Variants in CTRB2 observed in about 807,000 individuals in gnomAD.
CTRB2 encodes chymotrypsinogen B2, also known as chymotrypsin B2.
A neutral mutation model predicts 19.3 loss-of-function variants in CTRB2; 9 were observed. The observed-to-expected ratio is 0.47, with a 90% CI of 0.28 to 0.81. The LOEUF (loss-of-function observed/expected upper bound fraction) is 0.81, where lower values mean the gene tolerates loss of function less well. CTRB2 is among the 40% of genes least tolerant of loss of function. The pLI is 0.11. For synonymous variants in CTRB2, 98 were observed against 117.3 expected (o/e 0.84, Z 1.06); for missense variants, 210 against 269.7 (o/e 0.78, Z 1.55).
intron 1 of CTRB2, 104 bp downstream of exon 1, chr16:75,206,986 G>T (rs1038597492): frequency 2.7e-6 from 3 of 1,131,928 alleles, no homozygotes; most frequent in East Asian, 5.2e-5. Context: ...CCACACTGCG[G>T]TGCACAGCTG....
At position 75,204,796 on chromosome 16, in the gene CTRB2, C is replaced by A; in HGVS notation, c.607G>T (p.Ala203Ser). ...ACCATGCAGGAGGAGACGCCACTGG[C>A]CCCGGCACAGATCATCACGTCGGTG... ...RITDVMICAG[A>S]SGVSSCMGDS... Residue 203 changes from alanine (A) to serine (S), a missense_variant, in exon 6 of 7, where the codon GCC becomes TCC. Transcript: ENST00000303037. 1 of 1,439,598 alleles carries A rather than the reference C, an allele frequency of 6.9e-7. No homozygotes were observed. 89.2% of individuals were successfully genotyped at this position (1,439,598 alleles called of 1,614,324 possible). A position where few individuals can be genotyped will look rare whatever the true frequency, so the allele number is the denominator to read the frequency against.
At position 75,204,613 on chromosome 16, in the gene CTRB2, C is replaced by T. The variant is rs574003271; in HGVS notation, c.630+160G>A. ...CCCAGGGGCAGCCTCAGCTGCATGGCCTGGAGGAACCCTCATGGGCGGCTG... is the reference window on the plus strand; with the variant it reads ...CCCAGGGGCAGCCTCAGCTGCATGGTCTGGAGGAACCCTCATGGGCGGCTG... On this transcript the variant is annotated intron_variant, in intron 6 of 6. Coordinates refer to ENST00000303037, the MANE Select transcript of CTRB2 (RefSeq NM_001025200.4). 1.4e-5 allele frequency: 20 copies of T among 1,406,408 alleles called. No individual in the cohort carries two copies. The African/African-American group carries it at 2.0e-4, about 14-fold the overall frequency. 87.1% of individuals were successfully genotyped at this position (1,406,408 alleles called of 1,614,324 possible).
At chr16:75,204,410 C>A in intron 6 of CTRB2, 88 bp from the exon 7 acceptor site, 1 of 1,326,352 alleles carries the variant, frequency 7.5e-7, no homozygotes, top group Non-Finnish European at 1.0e-6. Context: ...GGGAGGGGTG[C>A]GGAGAAATGG....
At chr16:75,204,448 G>T in intron 6 of CTRB2, 126 bp from the exon 7 acceptor site, 1 of 1,005,982 alleles carries the variant, frequency 9.9e-7, no homozygotes, top group Non-Finnish European at 1.4e-6. Flanking sequence ...GCTGTGCCGG[G>T]GTCCTGAGAT....
At chr16:75,206,363 G>A in intron 1 of CTRB2, 170 bp from the exon 2 acceptor site, 1 of 680,552 alleles carries the variant, frequency 1.5e-6, no homozygotes, top group Non-Finnish European at 2.4e-6. Flanking sequence ...GGAATCCCCA[G>A]GTACAACTGA....
chr16:75,206,809 T>TGCCTCCTCCCCCC (rs1268147332), intron 1 of CTRB2: 1 of 477,628 alleles, frequency 2.1e-6, no homozygotes. Flanking sequence ...CCCGGACACC[T>TGCCTCCTCCCCCC]GCCTCCTCCC....
rs760483646 is a variant in CTRB2, at chr16:75,204,314, A to C, written c.639T>G (p.Ser213=). 4 of 1,613,986 alleles carry C rather than the reference A, an allele frequency of 2.5e-6. No homozygotes were observed. In the Admixed American group the frequency reaches 6.7e-5, roughly 27 times the overall value. Residue 213 remains serine, a synonymous_variant, in exon 7 of 7, where the codon TCT becomes TCG. Transcript: ENST00000303037. ...CCTTCTGGCAGACCAGGGGGCCTCC[A>C]GAGTCACCCTGCAGGAAGGAGAGGA... ...ASGVSSCMGD[S]GGPLVCQKDG...
chr16:75,204,739 C>T (rs978436548), intron 6 of CTRB2, 34 bp downstream of exon 6: 27 of 1,240,388 alleles, frequency 2.2e-5, no homozygotes, highest in African/African-American at 1.5e-4. Context: ...GCACCCCGCT[C>T]GCCTGGCCAG....
At chr16:75,206,224 A>ACC in intron 1 of CTRB2, 31 bp from the exon 2 acceptor site, 5 of 1,534,066 alleles carry the variant, frequency 3.3e-6, no homozygotes, top group Non-Finnish European at 4.4e-6. Flanking sequence ...AGGGGTGGGT[A>ACC]CCACCCACCC....
Position 75,204,115 on chromosome 16 carries a change from G to A in CTRB2, c.*46C>T, listed in dbSNP as rs369741106. On this transcript the variant is annotated 3_prime_UTR_variant, in exon 7 of 7. Transcript: ENST00000303037. The stretch of plus-strand genomic sequence containing the variant: ...GTGCAGTCAGGGCTTCTAAACAGAT[G>A]CATTTAATGGGAAATCTTAAGGCAG... 1.0e-4 allele frequency: 165 copies of A among 1,612,154 alleles called. No individual in the cohort carries two copies. The Middle Eastern group carries it at 1.7e-3, about 16-fold the overall frequency.
At position 75,207,121 on chromosome 16, in the gene CTRB2, G is replaced by A. The variant is rs1391216843; in HGVS notation, c.21C>T (p.Leu7=). MAFLWL[L]SCWALLGTTF... ...TGGTACCCAGGAGGGCCCAGCAGGA[G>A]AGGAGCCAGAGGAAAGCCATGGTGC... is the stretch of plus-strand genomic sequence containing the variant. The change falls in exon 1 of 7, where the codon CTC becomes CTT. Residue 7 remains leucine (L), a synonymous_variant. Coordinates refer to ENST00000303037, the MANE Select transcript of CTRB2 (RefSeq NM_001025200.4). The A allele has an allele frequency of 1.3e-6, 2 of 1,558,568 alleles. No homozygotes were observed. Among genetic ancestry groups the A allele is most frequent in the African/African-American group, 2.7e-5 (2 of 74,032 alleles).
chr16:75,204,197 G>A lies in CTRB2; in HGVS notation c.756C>T (p.Leu252=), dbSNP rs771991353. 7 of 1,614,048 alleles carry A rather than the reference G, an allele frequency of 4.3e-6. No individual in the cohort carries two copies. The Admixed American group carries it at 5.0e-5, about 12-fold the overall frequency. ...TPAVYARVAK[L]IPWVQKILAA... is the part of the protein sequence containing the mutation. ...CCAGGATCTTCTGCACCCAGGGTAT[G>A]AGCTTGGCGACACGGGCGTACACAG... The change falls in exon 7 of 7, where the codon CTC becomes CTT. Residue 252 remains leucine, a synonymous_variant. Coordinates refer to ENST00000303037, the MANE Select transcript of CTRB2 (RefSeq NM_001025200.4).
At chr16:75,206,220 G>T (rs1396105629) in intron 1 of CTRB2, 27 bp from the exon 2 acceptor site, 1 of 1,548,088 alleles carries the variant, frequency 6.5e-7, no homozygotes, top group Admixed American at 2.0e-5. Context: ...GCTGAGGGGT[G>T]GGTACCACCC....
intron 1 of CTRB2, 107 bp from the exon 2 acceptor site, chr16:75,206,300 T>C: frequency 8.5e-7 from 1 of 1,174,260 alleles, no homozygotes; most frequent in Non-Finnish European, 1.2e-6. Flanking sequence ...CTAGACTGGC[T>C]CCCACATCCC....
rs2038889129 is a variant in CTRB2 at position 75,206,191 on chromosome 16, A to ACTTCCC, written c.54_55insGGGAAG (p.Gly18_Cys19insGlyLys). 6.4e-7 allele frequency: 1 copy of ACTTCCC among 1,557,868 alleles called. No homozygotes were observed. The highest frequency in any genetic ancestry group is 8.7e-7 in the Non-Finnish European group (1 of 1,150,488). On this transcript the variant is annotated inframe_insertion and splice_region_variant, in exon 2 of 7. Transcript: ENST00000303037. ...ACAGGGTGGATGGCGGGGACCCCGC[A>ACTTCCC]GCCTGGGGGCGGGAGTGGGCTGAGG...
In CTRB2 at chr16:75,205,490, G is replaced by C; in HGVS notation, c.339C>G (p.Ser113Arg). 1 of 464,248 alleles carries C rather than the reference G, an allele frequency of 2.2e-6. No individual in the cohort carries two copies. The highest frequency in any genetic ancestry group is 2.4e-5 in the South Asian group (1 of 42,368). The allele number at this position is 464,248 out of a possible 1,614,324, so 28.8% of individuals were successfully genotyped here. ...TGATGTCATTGTTCACGGTCAGAAT[G>C]CTGAACTTGGGGTTCTTGAAGACCT... is the stretch of plus-strand genomic sequence containing the variant. ...IAKVFKNPKF[S>R]ILTVNNDITL... is the part of the protein sequence containing the mutation. The change falls in exon 5 of 7, where the codon AGC (serine) becomes AGG (arginine). Residue 113 changes from serine to arginine, a missense_variant. Physicochemically the swap from Ser to Arg is moderately radical, Grantham distance 110. Coordinates refer to ENST00000303037, the MANE Select transcript of CTRB2 (RefSeq NM_001025200.4).
At chr16:75,206,254 T>G in intron 1 of CTRB2, 61 bp from the exon 2 acceptor site, 1 of 1,477,614 alleles carries the variant, frequency 6.8e-7, no homozygotes, top group Non-Finnish European at 9.1e-7. Context: ...TGCTCCAGCC[T>G]CCTCTCACTC....
Position 75,204,228 on chromosome 16 carries a change from G to T in CTRB2, c.725C>A (p.Thr242Lys), listed in dbSNP as rs376020915. 1.1e-5 allele frequency: 18 copies of T among 1,614,008 alleles called. No homozygotes were observed. Among genetic ancestry groups the T allele is most frequent in the Non-Finnish European group, 1.5e-5 (18 of 1,179,910 alleles). ...SWGSRTCSTT[T>K]PAVYARVAKL... is the part of the protein sequence containing the mutation. ...GGCGACACGGGCGTACACAGCGGGC[G>T]TGGTGGTAGAGCAGGTGCGGCTGCC... The change falls in exon 7 of 7, where the codon ACG (threonine) becomes AAG (lysine). Residue 242 changes from threonine to lysine, a missense_variant. Thr to Lys is a moderately conservative substitution (Grantham distance 78). This residue lies in a region of CTRB2 where 120 missense variants were observed against 90.8 expected (regional missense o/e 1.32). Coordinates refer to ENST00000303037, the MANE Select transcript of CTRB2 (RefSeq NM_001025200.4).
In CTRB2 at chr16:75,204,283, C is replaced by A; in HGVS notation, c.670G>T (p.Ala224Ser). The A allele has an allele frequency of 6.2e-7, 1 of 1,614,076 alleles. No individual in the cohort carries two copies. Among genetic ancestry groups the A allele is most frequent in the Non-Finnish European group, 8.5e-7 (1 of 1,180,002 alleles). The change falls in exon 7 of 7, where the codon GCC becomes TCC. Residue 224 changes from alanine to serine, a missense_variant. Transcript: ENST00000303037. ...GACACAATGCCCACCAGGGTCCAGG[C>A]TCCGTCCTTCTGGCAGACCAGGGGG... ...GGPLVCQKDGAWTLVGIVSWG... is the reference protein window; with the variant it reads ...GGPLVCQKDGSWTLVGIVSWG...
Sources: allele counts gnomAD v4.1 joint callset, GRCh38; gene constraint gnomAD v4.1.1; regional missense constraint gnomAD v4.1.1; transcripts MANE v1.5; gene names NCBI Gene and HGNC (gene_info 2026-07-23, HGNC 2026-07-21).